Variants in AFDN observed in about 807,000 individuals in gnomAD.
AFDN encodes afadin, adherens junction formation factor.
A neutral mutation model predicts 216.6 loss-of-function variants in AFDN; 68 were observed. The ratio of observed to expected loss-of-function variants is 0.31; its 90% CI spans 0.26 to 0.38. The LOEUF (loss-of-function observed/expected upper bound fraction) is 0.38. Among genes scored for constraint, AFDN ranks in the 10% least tolerant of loss-of-function variants. AFDN has a pLI of 1.00. For missense variants in AFDN, 2,136 were observed against 2,342.0 expected (o/e 0.91, Z 1.82); for synonymous variants, 868 against 853.7 (o/e 1.02, Z -0.29).
At chr6:167,969,751 C>A in intron 33 of AFDN, 31 bp from the exon 34 acceptor site, 1 of 1,577,912 alleles carries the variant, frequency 6.3e-7, no homozygotes. Flanking sequence ...CTAGTTTGTC[C>A]AGTAATCTTT....
intron 26 of AFDN, 95 bp downstream of exon 26, chr6:167,944,154 C>A: frequency 1.1e-6 from 1 of 938,842 alleles, no homozygotes; most frequent in Non-Finnish European, 1.7e-6. Context: ...GTTACTATCG[C>A]CCCAGTTTTA....
At chr6:167,947,721 T>A (rs9364210) in intron 27 of AFDN, 132 bp from the exon 28 acceptor site, 141,403 of 547,242 alleles carry the variant, frequency 0.26, 20,671 homozygotes, top group East Asian at 0.51. Context: ...TGCCTTGATT[T>A]TTTTTTTTCA....
chr6:167,882,905 A>G (rs1449970474), intron 6 of AFDN, among the ~76,000 whole-genome samples: 1 of 152,162 alleles, frequency 6.6e-6, no homozygotes, highest in Non-Finnish European at 1.5e-5. Context: ...GGCTGGTGCT[A>G]GTCTTCTCAA....
At chr6:167,868,801 C>T (rs1784479511) in intron 2 of AFDN, among the ~76,000 whole-genome samples, 1 of 128,658 alleles carries the variant, frequency 7.8e-6, no homozygotes. Flanking sequence ...CTCACTTTGT[C>T]ACCCAGAGTG....
chr6:167,899,763 GTC>G (rs1424164261), intron 11 of AFDN, among the ~76,000 whole-genome samples: 1 of 152,140 alleles, frequency 6.6e-6, no homozygotes, highest in Non-Finnish European at 1.5e-5. Flanking sequence ...GTTACATGTG[GTC>G]TCTCAATAGT....
At chr6:167,919,219 T>C (rs759168695) in intron 21 of AFDN, among the ~76,000 whole-genome samples, 12 of 152,212 alleles carry the variant, frequency 7.9e-5, no homozygotes, top group Non-Finnish European at 1.8e-4. Context: ...CAAGGAACCG[T>C]TTATTGTTCT....
intron 31 of AFDN, chr6:167,964,615 TG>T: frequency 4.6e-5 from 6 of 131,076 alleles, no homozygotes; most frequent in Non-Finnish European, 5.2e-5. Context: ...GTATTCACTC[TG>T]TGTGTGTGTG....
In AFDN at chr6:167,898,831, A is replaced by C. The variant is rs558090910; in HGVS notation, c.1580+364A>C. ...GAAGTATTCTTTTCTGTGACTGATA[A>C]TGAAACACATTAAGATCTCTTAAGG... is the stretch of plus-strand genomic sequence containing the variant. On this transcript the variant is annotated intron_variant, in intron 11 of 33. Coordinates refer to ENST00000683244, the MANE Select transcript of AFDN (RefSeq NM_001386888.1). Among the ~76,000 whole-genome samples, 32 of 152,218 alleles carry C rather than the reference A, an allele frequency of 2.1e-4. 1 individual carries two copies. The highest frequency in any genetic ancestry group is 2.1e-3 in the Admixed American group (32 of 15,282).
At position 167,969,168 on chromosome 6, in the gene AFDN, G is replaced by C. The variant is rs1003687943; in HGVS notation, c.5312G>C (p.Cys1771Ser). 21 of 1,614,000 alleles carry C rather than the reference G, an allele frequency of 1.3e-5. No individual in the cohort carries two copies. The highest frequency in any genetic ancestry group is 1.8e-5 in the Non-Finnish European group (21 of 1,179,886). Residue 1771 changes from cysteine (C) to serine (S), a missense_variant, in exon 33 of 34, where the codon TGT (cysteine) becomes TCT (serine). Cys to Ser is a moderately radical substitution (Grantham distance 112). Transcript: ENST00000683244. Reference protein sequence around the residue: ...TGAAVGAHDACRDAKEKRSKS... With the variant: ...TGAAVGAHDASRDAKEKRSKS... ...GCAGCTGTTGGAGCCCATGACGCCTGTCGGGATGCAAAAGAGAAGCGCTCT... is the reference window on the plus strand; with the variant it reads ...GCAGCTGTTGGAGCCCATGACGCCTCTCGGGATGCAAAAGAGAAGCGCTCT...
At position 167,911,108 on chromosome 6, in the gene AFDN, G is replaced by A. The variant is rs777508909; in HGVS notation, c.1777G>A (p.Asp593Asn). Reference sequence around the variant, plus strand: ...TCAGCTTTCTTCTTTTAGAACACAGGATGCTTCTGGGCCTGAGCTGATACT... The same window carrying A: ...TCAGCTTTCTTCTTTTAGAACACAGAATGCTTCTGGGCCTGAGCTGATACT... ...DYRRQESRTQ[D>N]ASGPELILPA... Residue 593 changes from aspartate (D) to asparagine (N), a missense_variant, in exon 14 of 34, where the codon GAT becomes AAT. Around this residue, in one of 8 missense-constraint regions of AFDN, gnomAD observed 817 missense variants for 965.7 expected, o/e 0.85. Coordinates refer to ENST00000683244, the MANE Select transcript of AFDN (RefSeq NM_001386888.1). 1 of 1,612,786 alleles carries A rather than the reference G, an allele frequency of 6.2e-7. No homozygotes were observed. Among genetic ancestry groups the A allele is most frequent in the Non-Finnish European group, 8.5e-7 (1 of 1,179,600 alleles).
chr6:167,937,859 C>T (rs1299061583), intron 23 of AFDN, among the ~76,000 whole-genome samples: 2 of 152,164 alleles, frequency 1.3e-5, no homozygotes, highest in Admixed American at 6.5e-5. Context: ...ACTATTTATT[C>T]AGTAAAATTA....
chr6:167,826,775 C>G, upstream of AFDN: 3 of 345,112 alleles, frequency 8.7e-6, no homozygotes, highest in South Asian at 6.7e-5. Flanking sequence ...CTGGCGGCCG[C>G]GGCAGCAGCA....
In AFDN at chr6:167,951,580, C is replaced by G. The variant is rs1400467163; in HGVS notation, c.4226C>G (p.Ala1409Gly). 2.5e-6 allele frequency: 4 copies of G among 1,613,922 alleles called. No homozygotes were observed. Among genetic ancestry groups the G allele is most frequent in the Admixed American group, 3.3e-5 (2 of 60,002 alleles). ...PSANQIGLPS[A>G]QVAAAERRKR... ...GCCAACCAGATAGGGCTGCCGTCTG[C>G]GCAGGTGGCTGCTGCTGAACGGAGA... is the stretch of plus-strand genomic sequence containing the variant. The change falls in exon 30 of 34, where the codon GCG becomes GGG. Residue 1409 changes from alanine (A) to glycine (G), a missense_variant. Ala to Gly is a moderately conservative substitution (Grantham distance 60, BLOSUM62 0). This residue lies in a region of AFDN where 981 missense variants were observed against 966.0 expected (regional missense o/e 1.02). Transcript: ENST00000683244. The surrounding 1 kb of genome is among the most constrained non-coding windows in gnomAD (Gnocchi z 7.1).
At chr6:167,937,378 T>C (rs1794141236) in intron 23 of AFDN, among the ~76,000 whole-genome samples, 1 of 152,182 alleles carries the variant, frequency 6.6e-6, no homozygotes, top group Admixed American at 6.5e-5. Context: ...TTTTAATGGG[T>C]GTTTTGAATT....
At chr6:167,966,351 A>C in intron 32 of AFDN, 1 of 1,246,530 alleles carries the variant, frequency 8.0e-7, no homozygotes, top group Non-Finnish European at 1.0e-6. Context: ...CTTGCCCTGT[A>C]GTATGGTCCA....
intron 30 of AFDN, among the ~76,000 whole-genome samples, chr6:167,960,031 A>G (rs755430440): frequency 3.3e-5 from 5 of 152,234 alleles, no homozygotes; most frequent in African/African-American, 4.8e-5. Flanking sequence ...TTAAGTTAAA[A>G]TATCCTTTAA....
chr6:167,914,607 C>G, intron 17 of AFDN, 37 bp from the exon 18 acceptor site: 1 of 1,415,802 alleles, frequency 7.1e-7, no homozygotes. Context: ...AGCTGTCTGT[C>G]ATGCTAAGAT....
intron 6 of AFDN, among the ~76,000 whole-genome samples, chr6:167,885,615 ACAGATCAC>A (rs1206418652): frequency 6.6e-6 from 1 of 152,224 alleles, no homozygotes; most frequent in Non-Finnish European, 1.5e-5. Context: ...ATCAGAGATC[ACAGATCAC>A]CATGACAGAT....
In AFDN at chr6:167,939,649, A is replaced by G. The variant is rs6933940; in HGVS notation, c.3100-3480A>G. Reference sequence around the variant, plus strand: ...GATGGATATTTGTTCCGTGAATGAAATTGTCGTTTAAACAGCCAAGTTGTA... The same window carrying G: ...GATGGATATTTGTTCCGTGAATGAAGTTGTCGTTTAAACAGCCAAGTTGTA... On this transcript the variant is annotated intron_variant, in intron 23 of 33. Coordinates refer to ENST00000683244, the MANE Select transcript of AFDN (RefSeq NM_001386888.1). Among the ~76,000 whole-genome samples the G allele has an allele frequency of 7.0e-3, 1,064 of 152,296 alleles. 16 individuals carry two copies. The highest frequency in any genetic ancestry group is 0.024 in the African/African-American group (1,012 of 41,550).
Sources: gnomAD v4.1 joint callset for allele counts (sites outside exome capture counted in the v4.1 genomes callset) on GRCh38, gnomAD v4.1.1 for gene constraint, gnomAD v4.1.1 regional missense constraint, Gnocchi (gnomAD v3.1) non-coding constraint, MANE v1.5 for transcripts, NCBI Gene and HGNC (gene_info 2026-07-23, HGNC 2026-07-21) for gene names.